The following TCF20 variants were observed in gnomAD, a reference collection of about 807,000 sequenced individuals.
The protein encoded by TCF20 is SPRE-binding protein.
A neutral mutation model predicts 148.6 loss-of-function variants in TCF20; 3 were observed. That is an observed-to-expected ratio of 0.02 (90% CI 0.01 to 0.05). The LOEUF is 0.05. TCF20 is among the 10% of genes least tolerant of loss of function. The pLI, the probability that TCF20 is intolerant of heterozygous loss-of-function variation, is 1.00. For missense variants in TCF20, 2,350 were observed against 2,429.3 expected, an observed-to-expected ratio of 0.97 and a Z score of 0.69; for synonymous variants, 1,049 against 909.5, an observed-to-expected ratio of 1.15 and a Z score of -2.76.
At chr22:42,324,456 A>ACC (rs1927832975) in intron 1 of TCF20, among the ~76,000 whole-genome samples, 4 of 152,054 alleles carry the variant, frequency 2.6e-5, no homozygotes, top group Non-Finnish European at 5.9e-5. Flanking sequence ...TGAGAAAATA[A>ACC]TCTCCACCAT....
intron 1 of TCF20, among the ~76,000 whole-genome samples, chr22:42,325,624 C>G (rs1433956525): frequency 6.6e-6 from 1 of 152,172 alleles, no homozygotes; most frequent in African/African-American, 2.4e-5. Flanking sequence ...CCAGGCATCC[C>G]AGGTAGGCAG....
rs1569142376 is a variant in TCF20, at chr22:42,209,783, T to G, written c.5523A>C (p.Gln1841His). ...TSEGGPELEL[Q>H]IPELPLDSNE... ...TGCTGTCAAGAGGTAGTTCAGGGAT[T>G]TGTAACTCCAGCTCAGGGCCACCTT... is the stretch of plus-strand genomic sequence containing the variant. The change falls in exon 2 of 6, where the codon CAA becomes CAC. Residue 1841 changes from glutamine to histidine, a missense_variant. Gln to His is a conservative substitution (Grantham distance 24, BLOSUM62 0). Coordinates refer to ENST00000677622, the MANE Select transcript of TCF20 (RefSeq NM_001378418.1). The G allele has an allele frequency of 6.2e-7, 1 of 1,614,022 alleles. No homozygotes were observed. Among genetic ancestry groups the G allele is most frequent in the Admixed American group, 1.7e-5 (1 of 59,998 alleles).
At chr22:42,238,877 G>A (rs1256889765) in intron 1 of TCF20, among the ~76,000 whole-genome samples, 1 of 152,080 alleles carries the variant, frequency 6.6e-6, no homozygotes, top group Non-Finnish European at 1.5e-5. Context: ...CAGCACTTTG[G>A]GAGGCCGAGG....
intron 1 of TCF20, among the ~76,000 whole-genome samples, chr22:42,305,105 A>C (rs9623557): frequency 0.66 from 100,355 of 151,568 alleles, 33,813 homozygotes; most frequent in African/African-American, 0.79. Context: ...GAACTAAATA[A>C]CCCCCTGGAG....
At chr22:42,192,818 A>G (rs1937403464) in intron 2 of TCF20, among the ~76,000 whole-genome samples, 1 of 152,190 alleles carries the variant, frequency 6.6e-6, no homozygotes, top group Non-Finnish European at 1.5e-5. Context: ...CTGGAAGGAA[A>G]AACTACGTCC....
At chr22:42,182,359 A>G (rs1936821265) in intron 2 of TCF20, among the ~76,000 whole-genome samples, 1 of 152,232 alleles carries the variant, frequency 6.6e-6, no homozygotes. Context: ...GGCTGGGTCA[A>G]AAGTGCTAAG....
In TCF20 at chr22:42,328,807, G is replaced by A. The variant is rs144404964; in HGVS notation, c.-37+14672C>T. ...CCCTTTGCTAAAGCTTGCCCCAGAC[G>A]GGGGGGAAAGCCCCCACCCCAGGTC... is the stretch of plus-strand genomic sequence containing the variant. On this transcript the variant is annotated intron_variant, in intron 1 of 1. Transcript: ENST00000515426. 7.9e-5 allele frequency among the ~76,000 whole-genome samples: 12 copies of A among 152,206 alleles called. No individual in the cohort carries two copies. The East Asian group carries it at 1.5e-3, about 20-fold the overall frequency.
chr22:42,294,682 A>G (rs1201279453), intron 1 of TCF20, among the ~76,000 whole-genome samples: 1 of 152,220 alleles, frequency 6.6e-6, no homozygotes, highest in African/African-American at 2.4e-5. Context: ...AGATTATCTC[A>G]TTTAGGCCTC....
intron 2 of TCF20, among the ~76,000 whole-genome samples, chr22:42,185,958 G>A (rs1023229879): frequency 1.3e-5 from 2 of 152,154 alleles, no homozygotes; most frequent in Non-Finnish European, 2.9e-5. Context: ...GTTCTTCTCA[G>A]GTCCATTTAC....
chr22:42,230,988 G>A (rs1288933822), intron 1 of TCF20, among the ~76,000 whole-genome samples: 2 of 151,634 alleles, frequency 1.3e-5, no homozygotes, highest in East Asian at 2.0e-4. Context: ...GTGAAACCCC[G>A]TCTCTACTAA....
chr22:42,319,329 T>A (rs1291459459), intron 1 of TCF20, among the ~76,000 whole-genome samples: 3 of 152,142 alleles, frequency 2.0e-5, no homozygotes, highest in Non-Finnish European at 4.4e-5. Flanking sequence ...CCAGGCCACC[T>A]GCTGCTGCTC....
Position 42,178,675 on chromosome 22 carries a change from C to T in TCF20, c.5749+934G>A, listed in dbSNP as rs552155184. On this transcript the variant is annotated intron_variant, in intron 3 of 5. Coordinates refer to ENST00000677622, the MANE Select transcript of TCF20 (RefSeq NM_001378418.1). ...GCGTGATCTCGCAACCTCTGCCTCC[C>T]GGGTTCAAGTGATTCTCCTGCCTCA... is the stretch of plus-strand genomic sequence containing the variant. Among the ~76,000 whole-genome samples the T allele has an allele frequency of 1.8e-4, 27 of 148,620 alleles. No individual in the cohort carries two copies. The South Asian group carries it at 1.9e-3, about 11-fold the overall frequency.
At chr22:42,173,082 C>G (rs1277494282) in intron 3 of TCF20, among the ~76,000 whole-genome samples, 1 of 151,636 alleles carries the variant, frequency 6.6e-6, no homozygotes, top group African/African-American at 2.4e-5. Context: ...GCAACGAGAG[C>G]TGCAGAAAGT....
At chr22:42,240,364 A>G (rs1357617379) in intron 1 of TCF20, among the ~76,000 whole-genome samples, 1 of 152,234 alleles carries the variant, frequency 6.6e-6, no homozygotes, top group African/African-American at 2.4e-5. Context: ...ACAGAGACAT[A>G]AACAATAATA....
intron 1 of TCF20, among the ~76,000 whole-genome samples, chr22:42,244,954 G>A (rs961446341): frequency 2.0e-5 from 3 of 151,944 alleles, no homozygotes; most frequent in Admixed American, 6.6e-5. Flanking sequence ...ATGGTGGTGC[G>A]CACCTGTAAT....
chr22:42,163,388 C>G (rs1935582291), intron 5 of TCF20, among the ~76,000 whole-genome samples: 1 of 152,220 alleles, frequency 6.6e-6, no homozygotes. Flanking sequence ...TAGACCAGCC[C>G]AAACACACGA....
chr22:42,211,580 C>T lies in TCF20; in HGVS notation c.3726G>A (p.Gln1242=), dbSNP rs1920966338. The change falls in exon 2 of 6, where the codon CAG becomes CAA. Residue 1242 remains glutamine, a synonymous_variant. Transcript: ENST00000677622. Reference sequence around the variant, plus strand: ...AGGGGTTTTGAGAAGAATGATCCTCCTGGCCTGGAAGTCTCAGCATAACAC... The same window carrying T: ...AGGGGTTTTGAGAAGAATGATCCTCTTGGCCTGGAAGTCTCAGCATAACAC... The part of the protein sequence containing the change: ...PGSVMLRLPG[Q]EDHSSQNPLI... 2 of 1,614,102 alleles carry T rather than the reference C, an allele frequency of 1.2e-6. No homozygotes were observed. Among genetic ancestry groups the T allele is most frequent in the Admixed American group, 1.7e-5 (1 of 60,002 alleles).
At chr22:42,176,575 C>T (rs528568335) in intron 3 of TCF20, among the ~76,000 whole-genome samples, 2 of 152,180 alleles carry the variant, frequency 1.3e-5, no homozygotes, top group Non-Finnish European at 2.9e-5. Context: ...TGGGGAAGCA[C>T]AGAGAGGGGG....
chr22:42,329,359 A>C (rs1177012849), intron 1 of TCF20, among the ~76,000 whole-genome samples: 2 of 152,256 alleles, frequency 1.3e-5, no homozygotes, highest in African/African-American at 4.8e-5. Flanking sequence ...CGCACCTGCC[A>C]GGAGAATGGC....
Sources: allele counts gnomAD v4.1 joint callset (sites outside exome capture counted in the v4.1 genomes callset), GRCh38; gene constraint gnomAD v4.1.1; transcripts MANE v1.5; gene names NCBI Gene and HGNC (gene_info 2026-07-23, HGNC 2026-07-21).